Variants in TRHDE observed in about 807,000 individuals in gnomAD.
TRHDE encodes thyrotropin releasing hormone degrading enzyme.
Under a neutral mutation model 125.7 loss-of-function variants are expected in TRHDE, and 72 were observed. That is an observed-to-expected ratio of 0.57 (90% CI 0.47 to 0.70). The LOEUF is 0.70. Among genes scored for constraint, TRHDE ranks in the 30% least tolerant of loss-of-function variants. The pLI is 0.00. For missense variants in TRHDE, 1,110 were observed against 1,327.1 expected (o/e 0.84, Z 2.54); for synonymous variants, 509 against 509.1 (o/e 1.00, Z 0.00).
chr12:72,335,222 T>A (rs946221755), intron 2 of TRHDE, among the ~76,000 whole-genome samples: 5 of 152,194 alleles, frequency 3.3e-5, no homozygotes, highest in African/African-American at 1.2e-4. Context: ...AGAATTTCCT[T>A]TATGTGCTCT....
chr12:72,624,713 A>G (rs1303068444), intron 15 of TRHDE, among the ~76,000 whole-genome samples: 2 of 151,944 alleles, frequency 1.3e-5, no homozygotes, highest in Non-Finnish European at 2.9e-5. Flanking sequence ...TTCAAATGCT[A>G]CAGTGTGTTG....
In TRHDE at chr12:72,272,997, G is replaced by T. The variant is rs779274990; in HGVS notation, c.354G>T (p.Thr118=). Residue 118 remains threonine, a synonymous_variant, in exon 1 of 19, where the codon ACG becomes ACT. Transcript: ENST00000261180. This position sits in a 1 kb window ranked among gnomAD's most constrained non-coding sequence, Gnocchi z 6.7. The stretch of plus-strand genomic sequence containing the variant: ...TCGACGAGTGCGGGGCGAGTGCCAC[G>T]CCAGGCGCCGACGGTGGCCCCTCAG... ...LRFDECGASA[T]PGADGGPSGF... is the part of the protein sequence containing the mutation. 13 of 1,547,706 alleles carry T rather than the reference G, an allele frequency of 8.4e-6. No homozygotes were observed. Among genetic ancestry groups the T allele is most frequent in the East Asian group, 4.8e-5 (2 of 41,862 alleles).
chr12:72,414,017 T>C (rs1285781511), intron 3 of TRHDE, among the ~76,000 whole-genome samples: 1 of 152,080 alleles, frequency 6.6e-6, no homozygotes, highest in African/African-American at 2.4e-5. Context: ...GTATTTCACT[T>C]TAGTATTTAT....
chr12:72,178,225 T>C (rs1015388711), intron 2 of TRHDE, among the ~76,000 whole-genome samples: 4 of 152,096 alleles, frequency 2.6e-5, no homozygotes, highest in African/African-American at 9.7e-5. Flanking sequence ...GTGGTGTACA[T>C]AGAATATTGT....
At chr12:72,367,637 C>A (rs1871393709) in intron 2 of TRHDE, among the ~76,000 whole-genome samples, 1 of 152,152 alleles carries the variant, frequency 6.6e-6, no homozygotes, top group African/African-American at 2.4e-5. Flanking sequence ...TATCACCCTG[C>A]TGCTTTTTCC....
chr12:72,471,894 C>T (rs944661865), intron 4 of TRHDE, among the ~76,000 whole-genome samples: 1 of 152,154 alleles, frequency 6.6e-6, no homozygotes, highest in Non-Finnish European at 1.5e-5. Context: ...ATGCTTTCCT[C>T]CTCCTGGTCC....
At chr12:72,218,581 C>A (rs538045528) in intron 2 of TRHDE, among the ~76,000 whole-genome samples, 64 of 152,156 alleles carry the variant, frequency 4.2e-4, no homozygotes, top group Non-Finnish European at 7.2e-4. Flanking sequence ...AGTTTGAAAT[C>A]AAAGTATCAG....
chr12:72,325,082 A>C (rs1555176474), intron 2 of TRHDE, among the ~76,000 whole-genome samples: 1 of 152,144 alleles, frequency 6.6e-6, no homozygotes, highest in Non-Finnish European at 1.5e-5. Context: ...ATGGAAAAAG[A>C]ATTTAAAAAA....
At chr12:72,517,548 A>G (rs1021382197) in intron 6 of TRHDE, among the ~76,000 whole-genome samples, 1 of 151,658 alleles carries the variant, frequency 6.6e-6, no homozygotes, top group African/African-American at 2.4e-5. Context: ...TTTCTTTATT[A>G]GTCTTGCTAG....
At chr12:72,218,422 T>C (rs1877936902) in intron 2 of TRHDE, among the ~76,000 whole-genome samples, 1 of 152,166 alleles carries the variant, frequency 6.6e-6, no homozygotes, top group South Asian at 2.1e-4. Context: ...TCCTACAATT[T>C]CTTACATTTT....
At chr12:72,123,196 G>A (rs370811209) in intron 2 of TRHDE, among the ~76,000 whole-genome samples, 1 of 152,070 alleles carries the variant, frequency 6.6e-6, no homozygotes, top group African/African-American at 2.4e-5. Flanking sequence ...ATTTAATCTC[G>A]GGTAATGGGA....
At chr12:72,415,868 A>G (rs548882181) in intron 3 of TRHDE, among the ~76,000 whole-genome samples, 1 of 152,098 alleles carries the variant, frequency 6.6e-6, no homozygotes, top group African/African-American at 2.4e-5. Context: ...TCTTTGCTAT[A>G]TTGATTTCCT....
chr12:72,608,530 A>G (rs921731130), intron 12 of TRHDE, among the ~76,000 whole-genome samples: 1 of 152,146 alleles, frequency 6.6e-6, no homozygotes, highest in Non-Finnish European at 1.5e-5. Flanking sequence ...GTGTTCTCTG[A>G]TTTATGTAGA....
At chr12:72,379,734 C>T (rs1200623890) in intron 3 of TRHDE, among the ~76,000 whole-genome samples, 3 of 152,160 alleles carry the variant, frequency 2.0e-5, no homozygotes, top group Non-Finnish European at 4.4e-5. Context: ...ACCACGCAGC[C>T]TTTCATCTGT....
At chr12:72,460,814 A>T (rs1734060448) in intron 3 of TRHDE, among the ~76,000 whole-genome samples, 1 of 152,160 alleles carries the variant, frequency 6.6e-6, no homozygotes, top group Admixed American at 6.5e-5. Context: ...GCACAATATG[A>T]TGGTGAGAAT....
chr12:72,374,486 C>G lies in TRHDE; in HGVS notation c.1189-3509C>G, dbSNP rs139324063. On this transcript the variant is annotated intron_variant, in intron 2 of 18. Coordinates refer to ENST00000261180, the MANE Select transcript of TRHDE (RefSeq NM_013381.3). ...CTACATGACATTTATGGCCATGAGA[C>G]TAGATGTTATCACCCAGGCACTGAG... Among the ~76,000 whole-genome samples, 1,169 of 152,120 alleles carry G rather than the reference C, an allele frequency of 7.7e-3. 17 individuals carry two copies. Among genetic ancestry groups the G allele is most frequent in the African/African-American group, 0.027 (1,130 of 41,496 alleles).
At chr12:72,507,479 C>T (rs1160640893) in intron 6 of TRHDE, among the ~76,000 whole-genome samples, 3 of 152,114 alleles carry the variant, frequency 2.0e-5, no homozygotes, top group East Asian at 1.9e-4. Flanking sequence ...TGAACTTGAG[C>T]GTGATGGTTT....
chr12:72,534,615 A>G (rs150343246), intron 6 of TRHDE, among the ~76,000 whole-genome samples: 31 of 152,206 alleles, frequency 2.0e-4, no homozygotes, highest in African/African-American at 7.2e-4. Flanking sequence ...AACAATACCT[A>G]CATACATTTT....
chr12:72,327,512 CACTGAATCACCAA>C (rs1158119462), intron 2 of TRHDE, among the ~76,000 whole-genome samples: 2 of 152,246 alleles, frequency 1.3e-5, no homozygotes, highest in Admixed American at 1.3e-4. Context: ...TAGCAGAACA[CACTGAATCACCAA>C]ACTGACCGTA....
Sources: gnomAD v4.1 joint callset for allele counts (sites outside exome capture counted in the v4.1 genomes callset) on GRCh38, gnomAD v4.1.1 for gene constraint, Gnocchi (gnomAD v3.1) non-coding constraint, MANE v1.5 for transcripts, NCBI Gene and HGNC (gene_info 2026-07-23, HGNC 2026-07-21) for gene names.